DPYD: variants seen among roughly 807,000 people sequenced by gnomAD.
DPYD encodes dihydropyrimidine dehydrogenase [NADP(+)].
In DPYD, 109 loss-of-function variants were observed where a neutral mutation model predicts 116.2. That is an observed-to-expected ratio of 0.94 (90% confidence interval 0.80 to 1.10). The LOEUF (loss-of-function observed/expected upper bound fraction) is 1.10, where lower values mean the gene tolerates loss of function less well. Among genes scored for constraint, DPYD ranks in the 50% least tolerant of loss-of-function variants. The probability of loss-of-function intolerance (pLI) is 0.00; values close to 1 mark genes in which losing one functional copy is unlikely to be tolerated. For synonymous variants in DPYD, 440 were observed against 432.0 expected, an observed-to-expected ratio of 1.02 and a Z score of -0.23; for missense variants, 1,302 against 1,254.5, an observed-to-expected ratio of 1.04 and a Z score of -0.57.
intron 3 of DPYD, among the ~76,000 whole-genome samples, chr1:97,807,470 C>A (rs995860066): frequency 1.3e-5 from 2 of 151,974 alleles, no homozygotes; most frequent in African/African-American, 4.8e-5. Context: ...AGATCTCTTG[C>A]CCATTTTAAA....
intron 8 of DPYD, among the ~76,000 whole-genome samples, chr1:97,610,987 A>G (rs947222734): frequency 7.9e-5 from 12 of 151,496 alleles, no homozygotes; most frequent in South Asian, 2.1e-4. Context: ...GTATATATAT[A>G]TGTGTGTGTG....
At chr1:97,500,788 A>G (rs576869313) in intron 13 of DPYD, among the ~76,000 whole-genome samples, 1 of 152,212 alleles carries the variant, frequency 6.6e-6, no homozygotes, top group Non-Finnish European at 1.5e-5. Context: ...CAAAAATGAC[A>G]ACCCTTTTGT....
At chr1:97,487,283 T>C (rs878923183) in intron 13 of DPYD, among the ~76,000 whole-genome samples, 1 of 151,946 alleles carries the variant, frequency 6.6e-6, no homozygotes, top group African/African-American at 2.4e-5. Context: ...AAAAAAAATA[T>C]GGAGAAAGAG....
chr1:97,409,846 G>A (rs772598536), intron 14 of DPYD, among the ~76,000 whole-genome samples: 1 of 152,092 alleles, frequency 6.6e-6, no homozygotes, highest in Non-Finnish European at 1.5e-5. Context: ...TTTTTGCTGA[G>A]GCAAGCGGAT....
chr1:97,267,004 C>T (rs1279367603), intron 18 of DPYD, among the ~76,000 whole-genome samples: 3 of 152,248 alleles, frequency 2.0e-5, no homozygotes, highest in African/African-American at 7.2e-5. Context: ...GTGCATGTGT[C>T]TTTATAGTAA....
intron 13 of DPYD, among the ~76,000 whole-genome samples, chr1:97,479,616 T>TGA (rs1396926284): frequency 6.6e-6 from 1 of 152,156 alleles, no homozygotes; most frequent in East Asian, 1.9e-4. Context: ...AGACAGAAAG[T>TGA]GAGCACATGC....
intron 4 of DPYD, among the ~76,000 whole-genome samples, chr1:97,724,456 G>A (rs960939502): frequency 4.6e-5 from 7 of 151,316 alleles, no homozygotes; most frequent in African/African-American, 1.5e-4. Context: ...AGACACAGAA[G>A]AGCCAATGTT....
intron 14 of DPYD, among the ~76,000 whole-genome samples, chr1:97,442,983 T>C (rs1557714856): frequency 2.6e-5 from 4 of 152,278 alleles, no homozygotes; most frequent in Non-Finnish European, 4.4e-5. Flanking sequence ...TGTGTCAAAA[T>C]GTTATATGTA....
At chr1:97,703,555 T>C (rs936305430) in intron 5 of DPYD, among the ~76,000 whole-genome samples, 3 of 151,974 alleles carry the variant, frequency 2.0e-5, no homozygotes, top group Admixed American at 6.6e-5. Context: ...TCTAAACTCA[T>C]AGTGTCCAAG....
intron 16 of DPYD, among the ~76,000 whole-genome samples, chr1:97,334,693 A>G (rs1669195284): frequency 6.6e-6 from 1 of 152,216 alleles, no homozygotes; most frequent in Non-Finnish European, 1.5e-5. Context: ...TAGCAGCTGT[A>G]TGACTGGTGC....
chr1:97,550,480 T>C (rs1445728674), intron 11 of DPYD, among the ~76,000 whole-genome samples: 2 of 152,078 alleles, frequency 1.3e-5, no homozygotes, highest in African/African-American at 4.8e-5. Context: ...TTAAGAAAAA[T>C]ATCTAACGAA....
At chr1:97,318,256 A>G (rs961241038) in intron 16 of DPYD, among the ~76,000 whole-genome samples, 3 of 137,002 alleles carry the variant, frequency 2.2e-5, no homozygotes, top group African/African-American at 7.8e-5. Flanking sequence ...TAAATGGACT[A>G]AATTCTGCAA....
At chr1:97,440,709 A>AT (rs1675737358) in intron 14 of DPYD, among the ~76,000 whole-genome samples, 2 of 152,064 alleles carry the variant, frequency 1.3e-5, no homozygotes, top group South Asian at 4.1e-4. Flanking sequence ...ATATTATCTT[A>AT]TTTTTTGTTT....
At chr1:97,127,993 T>C (rs1230931021) in intron 20 of DPYD, among the ~76,000 whole-genome samples, 2 of 152,190 alleles carry the variant, frequency 1.3e-5, no homozygotes, top group East Asian at 3.9e-4. Flanking sequence ...ATTTGTTGAG[T>C]GCTTAATAAA....
rs762699533 is a variant in DPYD at position 97,595,090 on chromosome 1, A to G, written c.927T>C (p.Phe309=). Residue 309 remains phenylalanine (F), a synonymous_variant, in exon 9 of 23, where the codon TTT becomes TTC. Coordinates refer to ENST00000370192, the MANE Select transcript of DPYD (RefSeq NM_000110.4). ...TACTGCCTTTGGCTACAAGTGGCAAAAAGTCTTTGGATGTATAAAACCCCT... is the reference window on the plus strand; with the variant it reads ...TACTGCCTTTGGCTACAAGTGGCAAGAAGTCTTTGGATGTATAAAACCCCT... ...QDQGFYTSKD[F]LPLVAKGSKA... The G allele has an allele frequency of 1.2e-6, 2 of 1,613,692 alleles. No homozygotes were observed. Among genetic ancestry groups the G allele is most frequent in the Non-Finnish European group, 1.7e-6 (2 of 1,179,660 alleles).
At chr1:97,522,896 A>C (rs977287416) in intron 12 of DPYD, among the ~76,000 whole-genome samples, 1 of 152,092 alleles carries the variant, frequency 6.6e-6, no homozygotes, top group Non-Finnish European at 1.5e-5. Flanking sequence ...TATCTTTAAT[A>C]ATTATTTTTA....
intron 18 of DPYD, among the ~76,000 whole-genome samples, chr1:97,270,271 T>C (rs1664494471): frequency 6.6e-6 from 1 of 152,212 alleles, no homozygotes; most frequent in Non-Finnish European, 1.5e-5. Flanking sequence ...TATATGGTCA[T>C]CTTGCGGTTG....
At chr1:97,738,199 G>GT in intron 4 of DPYD, among the ~76,000 whole-genome samples, 1 of 152,056 alleles carries the variant, frequency 6.6e-6, no homozygotes, top group East Asian at 1.9e-4. Flanking sequence ...ATAAAGTAGT[G>GT]TTTTTTAAAA....
At position 97,202,810 on chromosome 1, in the gene DPYD, A is replaced by G. The variant is rs562923982; in HGVS notation, c.2443-9562T>C. ...ATAATGACTGCAACCAAGAAATAAT[A>G]ATAAGAACCATACAGAGACACAGCA... is the stretch of plus-strand genomic sequence containing the variant. On this transcript the variant is annotated intron_variant, in intron 19 of 22. Coordinates refer to ENST00000370192, the MANE Select transcript of DPYD (RefSeq NM_000110.4). Among the ~76,000 whole-genome samples, 10 of 152,318 alleles carry G rather than the reference A, an allele frequency of 6.6e-5. No homozygotes were observed. In the South Asian group the frequency reaches 1.9e-3, roughly 28 times the overall value.
Sources: allele counts gnomAD v4.1 joint callset (sites outside exome capture counted in the v4.1 genomes callset), GRCh38; gene constraint gnomAD v4.1.1; transcripts MANE v1.5; gene names NCBI Gene and HGNC (gene_info 2026-07-23, HGNC 2026-07-21).